The following WFDC9 variants were observed in gnomAD, a reference collection of about 807,000 sequenced individuals.
WFDC9 encodes protein WFDC9.
Under a neutral mutation model 9.5 loss-of-function variants are expected in WFDC9, and 9 were observed. That is an observed-to-expected ratio of 0.95 (90% CI 0.57 to 1.65). The LOEUF (loss-of-function observed/expected upper bound fraction) is 1.65, where lower values mean the gene tolerates loss of function less well. WFDC9 is among the 40% of genes most tolerant of loss of function. WFDC9 has a pLI of 0.00. For missense variants in WFDC9, 87 were observed against 106.7 expected (o/e 0.82, Z 0.81); for synonymous variants, 33 against 32.3 (o/e 1.02, Z -0.07).
intron 1 of WFDC9, among the ~76,000 whole-genome samples, chr20:45,615,733 C>T (rs1308386990): frequency 6.6e-6 from 1 of 151,964 alleles, no homozygotes; most frequent in African/African-American, 2.4e-5. Flanking sequence ...CAGTATACAA[C>T]TGTACCTCTT....
intron 1 of WFDC9, among the ~76,000 whole-genome samples, chr20:45,626,101 C>T (rs964962580): frequency 6.6e-6 from 1 of 152,098 alleles, no homozygotes; most frequent in Non-Finnish European, 1.5e-5. Flanking sequence ...GGATTATAGG[C>T]ATGAGCCACT....
rs539664857 is a variant in WFDC9, at chr20:45,618,639, A to G, written c.-152-3918T>C. On this transcript the variant is annotated intron_variant, in intron 1 of 4. Coordinates refer to ENST00000326000, the MANE Select transcript of WFDC9 (RefSeq NM_147198.4). ...TGAGAAGAGGGAGCAAGACTGGCAA[A>G]TGACCAGTCAGAGCACACACACATT... 3.3e-5 allele frequency among the ~76,000 whole-genome samples: 5 copies of G among 152,304 alleles called. No homozygotes were observed. The East Asian group carries it at 7.7e-4, about 23-fold the overall frequency.
intron 2 of WFDC9, among the ~76,000 whole-genome samples, chr20:45,614,275 T>C (rs1981926111): frequency 6.6e-6 from 1 of 152,150 alleles, no homozygotes; most frequent in African/African-American, 2.4e-5. Flanking sequence ...ACTTCTCATA[T>C]ACAGAGTGCT....
At chr20:45,618,768 T>G (rs903860758) in intron 1 of WFDC9, among the ~76,000 whole-genome samples, 1 of 152,108 alleles carries the variant, frequency 6.6e-6, no homozygotes, top group African/African-American at 2.4e-5. Context: ...GATATAATGA[T>G]AAGAATAATA....
intron 2 of WFDC9, among the ~76,000 whole-genome samples, chr20:45,611,270 A>G (rs543745258): frequency 6.6e-6 from 1 of 152,200 alleles, no homozygotes; most frequent in Non-Finnish European, 1.5e-5. Flanking sequence ...TAGAATTACA[A>G]AGAGCCAGAG....
At chr20:45,610,797 A>T (rs1981843487) in intron 2 of WFDC9, among the ~76,000 whole-genome samples, 1 of 152,218 alleles carries the variant, frequency 6.6e-6, no homozygotes, top group African/African-American at 2.4e-5. Flanking sequence ...AGATGGTCCA[A>T]AGTTGGAGGA....
chr20:45,613,370 A>G (rs1033809269), intron 2 of WFDC9, among the ~76,000 whole-genome samples: 2 of 152,250 alleles, frequency 1.3e-5, no homozygotes, highest in Non-Finnish European at 2.9e-5. Flanking sequence ...CAGAGGTAAT[A>G]CTAGAAAAAT....
rs556601410 is a variant in WFDC9, at chr20:45,610,238, T to A, written c.-57A>T. Reference sequence around the variant, plus strand: ...TGGCAGAAGGCAAGTCTTTTCCCAATACTGCTAGACGTAGAAAATGGATTG... The same window carrying A: ...TGGCAGAAGGCAAGTCTTTTCCCAAAACTGCTAGACGTAGAAAATGGATTG... On this transcript the variant is annotated splice_region_variant and 5_prime_UTR_variant, in exon 3 of 5. Coordinates refer to ENST00000326000, the MANE Select transcript of WFDC9 (RefSeq NM_147198.4). 1.3e-4 allele frequency: 195 copies of A among 1,454,350 alleles called. No individual in the cohort carries two copies. The highest frequency in any genetic ancestry group is 1.8e-4 in the Non-Finnish European group (188 of 1,040,872). 90.1% of individuals were successfully genotyped at this position (1,454,350 alleles called of 1,614,324 possible).
rs190407357 is a variant in WFDC9, at chr20:45,624,539, T to C, written c.-153+6664A>G. ...GCTGCAATAAACATGGGGGTACATA[T>C]GTTGATATGCTGATTTCCTTTCCTT... On this transcript the variant is annotated intron_variant, in intron 1 of 4. Transcript: ENST00000326000. Among the ~76,000 whole-genome samples, 98 of 152,324 alleles carry C rather than the reference T, an allele frequency of 6.4e-4. No homozygotes were observed. The South Asian group carries it at 6.8e-3, about 11-fold the overall frequency.
chr20:45,612,539 A>C (rs1031845824), intron 2 of WFDC9, among the ~76,000 whole-genome samples: 2 of 152,186 alleles, frequency 1.3e-5, no homozygotes, highest in Admixed American at 6.5e-5. Context: ...GCTGAGTGAC[A>C]GCTGAGGGGT....
intron 2 of WFDC9, among the ~76,000 whole-genome samples, chr20:45,610,508 G>C (rs938371753): frequency 6.6e-6 from 1 of 152,072 alleles, no homozygotes; most frequent in Admixed American, 6.6e-5. Context: ...AAAATACAAA[G>C]AGGAAATAAA....
At chr20:45,608,992 T>C (rs1304432878) in intron 3 of WFDC9, among the ~76,000 whole-genome samples, 182 bp from the exon 4 acceptor site, 1 of 152,206 alleles carries the variant, frequency 6.6e-6, no homozygotes, top group Non-Finnish European at 1.5e-5. Context: ...TTGCATGGCC[T>C]GTGTTCCTCC....
chr20:45,627,324 G>A (rs548360875), intron 1 of WFDC9, among the ~76,000 whole-genome samples: 1 of 152,054 alleles, frequency 6.6e-6, no homozygotes, highest in African/African-American at 2.4e-5. Flanking sequence ...AAGGTTATGT[G>A]GGCCTCATAA....
chr20:45,612,548 G>T (rs746971275), intron 2 of WFDC9, among the ~76,000 whole-genome samples: 2 of 152,124 alleles, frequency 1.3e-5, no homozygotes, highest in South Asian at 2.1e-4. Context: ...CAGCTGAGGG[G>T]TAAGGGAAAC....
At chr20:45,625,425 G>T (rs547567488) in intron 1 of WFDC9, among the ~76,000 whole-genome samples, 2 of 152,072 alleles carry the variant, frequency 1.3e-5, no homozygotes, top group African/African-American at 4.8e-5. Context: ...TCAATGTGTC[G>T]ATTGTTTCCT....
intron 1 of WFDC9, among the ~76,000 whole-genome samples, chr20:45,622,085 T>C (rs1470173926): frequency 1.3e-5 from 2 of 152,218 alleles, no homozygotes; most frequent in African/African-American, 4.8e-5. Flanking sequence ...GTGGTAAGCA[T>C]TCTGATGTTT....
At chr20:45,630,743 C>T (rs1381149105) in intron 1 of WFDC9, 2 of 1,077,688 alleles carry the variant, frequency 1.9e-6, no homozygotes, top group Middle Eastern at 2.1e-4. Flanking sequence ...GAAGGTAGTT[C>T]TATGAAGAAG....
intron 1 of WFDC9, chr20:45,630,923 C>T (rs767438113): frequency 6.2e-7 from 1 of 1,612,388 alleles, no homozygotes; most frequent in East Asian, 2.2e-5. Context: ...TAAACTATAT[C>T]TATGCAAACA....
chr20:45,626,081 C>G (rs1012710628), intron 1 of WFDC9, among the ~76,000 whole-genome samples: 2 of 152,118 alleles, frequency 1.3e-5, no homozygotes, highest in South Asian at 4.2e-4. Flanking sequence ...CTCGGTCTCC[C>G]AAAGTGCTGG....
Sources: allele counts gnomAD v4.1 joint callset (sites outside exome capture counted in the v4.1 genomes callset), GRCh38; gene constraint gnomAD v4.1.1; transcripts MANE v1.5; gene names NCBI Gene and HGNC (gene_info 2026-07-23, HGNC 2026-07-21).